ANO2: variants seen among roughly 807,000 people sequenced by gnomAD.
ANO2 encodes anoctamin-2.
In ANO2, 101 loss-of-function variants were observed where a neutral mutation model predicts 124.2. The observed-to-expected ratio is 0.81, with a 90% CI of 0.69 to 0.96. ANO2 has a LOEUF of 0.96. Among genes scored for constraint, ANO2 ranks in the 40% least tolerant of loss-of-function variants. The pLI, the probability that ANO2 is intolerant of heterozygous loss-of-function variation, is 0.00. For synonymous variants in ANO2, 486 were observed against 482.5 expected, an observed-to-expected ratio of 1.01 and a Z score of -0.09; for missense variants, 1,293 against 1,274.5, an observed-to-expected ratio of 1.01 and a Z score of -0.22.
At chr12:5,943,458 T>C (rs922241352) in intron 1 of ANO2, among the ~76,000 whole-genome samples, 1 of 152,116 alleles carries the variant, frequency 6.6e-6, no homozygotes, top group Admixed American at 6.5e-5. Flanking sequence ...AGTTATGCTA[T>C]GAGGATGCAA....
chr12:5,675,043 T>C (rs974166236), intron 14 of ANO2, among the ~76,000 whole-genome samples: 5 of 152,156 alleles, frequency 3.3e-5, no homozygotes, highest in Non-Finnish European at 7.3e-5. Flanking sequence ...GGGGGTTGCC[T>C]GTTGTGTTCC....
At chr12:5,685,026 T>C (rs1357476288) in intron 14 of ANO2, among the ~76,000 whole-genome samples, 3 of 152,190 alleles carry the variant, frequency 2.0e-5, no homozygotes, top group Non-Finnish European at 4.4e-5. Context: ...CCTAGGCACA[T>C]AGTAGGTTCT....
intron 14 of ANO2, among the ~76,000 whole-genome samples, chr12:5,722,192 C>T (rs1171010756): frequency 6.6e-6 from 1 of 152,128 alleles, no homozygotes; most frequent in African/African-American, 2.4e-5. Context: ...GTCAGCTTCA[C>T]TAAAACATGA....
intron 3 of ANO2, among the ~76,000 whole-genome samples, chr12:5,905,528 TG>T (rs1162905700): frequency 6.6e-6 from 1 of 152,170 alleles, no homozygotes; most frequent in Non-Finnish European, 1.5e-5. Flanking sequence ...CAGGTATTCC[TG>T]GCAACACTGA....
At chr12:5,793,090 T>C (rs757109978) in intron 10 of ANO2, among the ~76,000 whole-genome samples, 2 of 152,172 alleles carry the variant, frequency 1.3e-5, no homozygotes, top group Non-Finnish European at 2.9e-5. Flanking sequence ...AGCACTGTTG[T>C]TGACACAATT....
At chr12:5,780,700 G>A (rs1952365173) in intron 10 of ANO2, among the ~76,000 whole-genome samples, 1 of 152,134 alleles carries the variant, frequency 6.6e-6, no homozygotes, top group African/African-American at 2.4e-5. Context: ...TCCTTCGCTT[G>A]TAAACACACC....
intron 23 of ANO2, among the ~76,000 whole-genome samples, chr12:5,566,143 A>G (rs918442663): frequency 2.0e-5 from 3 of 152,200 alleles, no homozygotes; most frequent in Non-Finnish European, 4.4e-5. Context: ...CTTCAGGACT[A>G]CGGCCACTAG....
At chr12:5,820,360 C>T (rs900551117) in intron 7 of ANO2, among the ~76,000 whole-genome samples, 2 of 152,092 alleles carry the variant, frequency 1.3e-5, no homozygotes, top group Non-Finnish European at 2.9e-5. Flanking sequence ...TCCAGGGGAC[C>T]CAAAACGTCA....
chr12:5,935,086 T>C (rs1370725560), intron 1 of ANO2, among the ~76,000 whole-genome samples: 3 of 152,214 alleles, frequency 2.0e-5, no homozygotes, highest in African/African-American at 7.2e-5. Context: ...TATTTATTTA[T>C]AGTCTGTAGG....
At chr12:5,751,522 T>C (rs1951440240) in intron 10 of ANO2, among the ~76,000 whole-genome samples, 1 of 152,174 alleles carries the variant, frequency 6.6e-6, no homozygotes, top group Admixed American at 6.5e-5. Context: ...GTGGTTTTTA[T>C]TTCTTTATTT....
intron 22 of ANO2, among the ~76,000 whole-genome samples, chr12:5,576,502 T>A (rs1166186829): frequency 6.6e-6 from 1 of 152,224 alleles, no homozygotes; most frequent in Non-Finnish European, 1.5e-5. Context: ...ATTTGACCAT[T>A]ATCTCTCAAC....
chr12:5,759,482 C>T (rs1427406737), intron 10 of ANO2, among the ~76,000 whole-genome samples: 1 of 151,896 alleles, frequency 6.6e-6, no homozygotes, highest in African/African-American at 2.4e-5. Flanking sequence ...AGGAACCAGG[C>T]CACACAGCAG....
At chr12:5,622,201 T>C (rs1309881849) in intron 16 of ANO2, among the ~76,000 whole-genome samples, 1 of 152,198 alleles carries the variant, frequency 6.6e-6, no homozygotes, top group Non-Finnish European at 1.5e-5. Context: ...GAACTGTGTG[T>C]CCTCAGATCT....
rs189731324 is a variant in ANO2 at position 5,799,429 on chromosome 12, A to G, written c.1055+78T>C. The G allele has an allele frequency of 3.3e-6, 4 of 1,225,770 alleles. No individual in the cohort carries two copies. In the East Asian group the frequency reaches 9.5e-5, roughly 29 times the overall value. 75.9% of individuals were successfully genotyped at this position (1,225,770 alleles called of 1,614,324 possible). The stretch of plus-strand genomic sequence containing the variant: ...CCCTCCACTTGAGCAAAGGACTGTC[A>G]GAGTCAAAAGGTTTATGATACATCT... On this transcript the variant is annotated intron_variant, in intron 10 of 24. Coordinates refer to ENST00000682330, the MANE Select transcript of ANO2 (RefSeq NM_001364791.2).
At chr12:5,666,873 G>A (rs1389019357) in intron 14 of ANO2, among the ~76,000 whole-genome samples, 2 of 147,174 alleles carry the variant, frequency 1.4e-5, no homozygotes, top group African/African-American at 2.5e-5. Flanking sequence ...ATCTTCTAAC[G>A]AGATCTATGA....
intron 20 of ANO2, among the ~76,000 whole-genome samples, chr12:5,587,828 C>T (rs906248131): frequency 6.6e-6 from 1 of 152,182 alleles, no homozygotes; most frequent in African/African-American, 2.4e-5. Flanking sequence ...CCCCATGCAC[C>T]TCCTCAGGCT....
In ANO2 at chr12:5,816,292, T is replaced by C. The variant is rs189713662; in HGVS notation, c.893-8924A>G. Among the ~76,000 whole-genome samples the C allele has an allele frequency of 4.2e-3, 636 of 150,336 alleles. 3 individuals are homozygous for C. Among genetic ancestry groups the C allele is most frequent in the Non-Finnish European group, 5.4e-3 (363 of 67,720 alleles). On this transcript the variant is annotated intron_variant, in intron 7 of 24. Transcript: ENST00000682330. Reference sequence around the variant, plus strand: ...CCCTGTGGCTCAGGCCTCCATATTATCTTGGGGCCTCATGGAGTTATCACA... The same window carrying C: ...CCCTGTGGCTCAGGCCTCCATATTACCTTGGGGCCTCATGGAGTTATCACA...
chr12:5,798,856 A>C (rs1815741241), intron 10 of ANO2, among the ~76,000 whole-genome samples: 1 of 152,236 alleles, frequency 6.6e-6, no homozygotes, highest in Non-Finnish European at 1.5e-5. Flanking sequence ...CAGAAGATTG[A>C]GTTTCTAGAG....
intron 1 of ANO2, among the ~76,000 whole-genome samples, chr12:5,926,473 C>T (rs1942085234): frequency 6.6e-6 from 1 of 152,162 alleles, no homozygotes; most frequent in Non-Finnish European, 1.5e-5. Flanking sequence ...TCTCCACCCC[C>T]TCTCTCCTGC....
Sources: allele counts gnomAD v4.1 joint callset (sites outside exome capture counted in the v4.1 genomes callset), GRCh38; gene constraint gnomAD v4.1.1; transcripts MANE v1.5; gene names NCBI Gene and HGNC (gene_info 2026-07-23, HGNC 2026-07-21).